The following UBAP2 variants were observed in gnomAD, a reference collection of about 807,000 sequenced individuals.
The protein encoded by UBAP2 is ubiquitin associated protein 2.
UBAP2 carries 75 observed loss-of-function variants against 139.6 expected under a neutral mutation model. The observed-to-expected ratio is 0.54, with a 90% CI of 0.45 to 0.65. The LOEUF (loss-of-function observed/expected upper bound fraction) is 0.65. UBAP2 is among the 30% of genes least tolerant of loss of function. UBAP2 has a pLI of 0.00. For missense variants in UBAP2, 1,368 were observed against 1,369.6 expected (o/e 1.00, Z 0.02); for synonymous variants, 526 against 526.2 (o/e 1.00, Z 0.01).
At chr9:33,929,856 T>C (rs1303650947) in intron 19 of UBAP2, among the ~76,000 whole-genome samples, 1 of 151,932 alleles carries the variant, frequency 6.6e-6, no homozygotes, top group African/African-American at 2.4e-5. Flanking sequence ...ATAAAAATAT[T>C]AGCTGGGCCT....
At chr9:33,971,625 A>T (rs1256147171) in intron 8 of UBAP2, 26 bp downstream of exon 8, 2 of 1,325,130 alleles carry the variant, frequency 1.5e-6, no homozygotes, top group Non-Finnish European at 2.2e-6. Context: ...TTTAAAACTC[A>T]TCTCTGGCAA....
intron 8 of UBAP2, chr9:33,968,372 TA>T (rs1213387477): frequency 2.8e-5 from 16 of 575,238 alleles, no homozygotes; most frequent in African/African-American, 5.6e-5. Context: ...AATAACATCA[TA>T]AATTATTCCT....
chr9:33,937,981 T>C (rs1014829584), intron 16 of UBAP2, among the ~76,000 whole-genome samples: 1 of 151,978 alleles, frequency 6.6e-6, no homozygotes, highest in African/African-American at 2.4e-5. Flanking sequence ...TATAGTTGTT[T>C]TGGGGGGTTT....
intron 17 of UBAP2, 158 bp downstream of exon 17, chr9:33,935,681 C>T: frequency 1.3e-6 from 1 of 776,784 alleles, no homozygotes; most frequent in Non-Finnish European, 2.2e-6. Context: ...TCTAATAACA[C>T]CACAGCCAAC....
At chr9:34,027,252 G>A (rs1401531967) in intron 1 of UBAP2, among the ~76,000 whole-genome samples, 6 of 149,582 alleles carry the variant, frequency 4.0e-5, no homozygotes, top group East Asian at 2.0e-4. Flanking sequence ...AGGCTGAGGC[G>A]GGAGGATTAC....
At chr9:33,933,448 C>T (rs1311973602) in intron 18 of UBAP2, 42 bp downstream of exon 18, 5 of 1,605,544 alleles carry the variant, frequency 3.1e-6, no homozygotes, top group Admixed American at 3.4e-5. Context: ...CCAGGACTTG[C>T]CCCAAGGTAC....
At position 33,926,309 on chromosome 9, in the gene UBAP2, AAGAG is replaced by A. The variant is rs774198679; in HGVS notation, c.2511+304_2511+307del. Among the ~76,000 whole-genome samples the A allele has an allele frequency of 1.3e-4, 20 of 152,338 alleles. No homozygotes were observed. In the South Asian group the frequency reaches 1.7e-3, roughly 13 times the overall value. The stretch of plus-strand genomic sequence containing the variant: ...TGTCATATGGTTTTTCTTTTTAAAA[AAGAG>A]AGAGAAAACAAGATGGAGGAGGGAA... On this transcript the variant is annotated intron_variant, in intron 22 of 28. Coordinates refer to ENST00000379238, the MANE Select transcript of UBAP2 (RefSeq NM_001370062.2).
At chr9:33,978,671 T>TC (rs1339898773) in intron 6 of UBAP2, among the ~76,000 whole-genome samples, 2 of 151,994 alleles carry the variant, frequency 1.3e-5, no homozygotes, top group African/African-American at 4.8e-5. Flanking sequence ...TCCCAACTAT[T>TC]CGGGAGGCTG....
chr9:33,926,550 AC>A, intron 22 of UBAP2, 66 bp downstream of exon 22: 1 of 1,568,682 alleles, frequency 6.4e-7, no homozygotes, highest in Non-Finnish European at 8.8e-7. Context: ...GGCAGCCAAG[AC>A]CATAAGAGGG....
chr9:34,012,774 C>G (rs553617368), intron 2 of UBAP2, among the ~76,000 whole-genome samples: 1 of 150,652 alleles, frequency 6.6e-6, no homozygotes, highest in African/African-American at 2.4e-5. Context: ...TCTGGGGAAT[C>G]TGAAAAAAGG....
At chr9:34,034,430 G>A (rs963182697) in intron 1 of UBAP2, among the ~76,000 whole-genome samples, 2 of 152,154 alleles carry the variant, frequency 1.3e-5, no homozygotes, top group African/African-American at 2.4e-5. Flanking sequence ...CCTAAAGAAT[G>A]TATCTATCAA....
chr9:33,988,812 C>A (rs1179655605), intron 5 of UBAP2, among the ~76,000 whole-genome samples, 161 bp downstream of exon 5: 1 of 152,182 alleles, frequency 6.6e-6, no homozygotes, highest in East Asian at 1.9e-4. Context: ...ATACTATGGA[C>A]TAATCTTTCA....
At chr9:34,022,602 A>AT (rs1316515121) in intron 1 of UBAP2, among the ~76,000 whole-genome samples, 4 of 151,016 alleles carry the variant, frequency 2.6e-5, no homozygotes, top group Non-Finnish European at 5.9e-5. Context: ...TGCCCAGCCG[A>AT]TTTTTTTTGT....
intron 19 of UBAP2, among the ~76,000 whole-genome samples, chr9:33,930,236 G>GT (rs2130874190): frequency 6.6e-6 from 1 of 152,222 alleles, no homozygotes; most frequent in South Asian, 2.1e-4. Flanking sequence ...GGTAAACAGG[G>GT]TTGAATCACT....
chr9:33,996,146 C>CAA (rs1219750023), intron 4 of UBAP2, 77 bp downstream of exon 4: 7 of 1,136,210 alleles, frequency 6.2e-6, no homozygotes, highest in Non-Finnish European at 9.1e-6. Context: ...TCCCTACCCC[C>CAA]AAACAAGGTG....
chr9:33,957,713 G>A (rs530349243), intron 10 of UBAP2, among the ~76,000 whole-genome samples: 9 of 151,938 alleles, frequency 5.9e-5, no homozygotes, highest in Admixed American at 1.3e-4. Flanking sequence ...GAGGTAACAC[G>A]GAAAACATAA....
chr9:34,030,860 G>A (rs901341706), intron 1 of UBAP2, among the ~76,000 whole-genome samples: 5 of 152,034 alleles, frequency 3.3e-5, no homozygotes, highest in Non-Finnish European at 5.9e-5. Context: ...AACCCAGGAG[G>A]CGGAGCTTGC....
chr9:33,992,666 G>A (rs1205049559), intron 4 of UBAP2, among the ~76,000 whole-genome samples: 1 of 138,156 alleles, frequency 7.2e-6, no homozygotes, highest in African/African-American at 2.6e-5. Context: ...GGAGGGGGGG[G>A]GGCACAAATA....
intron 6 of UBAP2, among the ~76,000 whole-genome samples, chr9:33,976,606 T>G (rs1237085279): frequency 6.6e-6 from 1 of 152,216 alleles, no homozygotes; most frequent in Admixed American, 6.5e-5. Context: ...TAAAATTGAT[T>G]GTGGTGATGA....
Sources: allele counts gnomAD v4.1 joint callset (sites outside exome capture counted in the v4.1 genomes callset), GRCh38; gene constraint gnomAD v4.1.1; transcripts MANE v1.5; gene names NCBI Gene and HGNC (gene_info 2026-07-23, HGNC 2026-07-21).